The following PCNT variants were observed in gnomAD, a reference collection of about 807,000 sequenced individuals.
The protein encoded by PCNT is kendrin.
Under a neutral mutation model 380.4 loss-of-function variants are expected in PCNT, and 319 were observed. That is an observed-to-expected ratio of 0.84 (90% CI 0.77 to 0.92). The LOEUF (loss-of-function observed/expected upper bound fraction) is 0.92, where lower values mean the gene tolerates loss of function less well. Among genes scored for constraint, PCNT ranks in the 40% least tolerant of loss-of-function variants. The pLI is 0.00. For missense variants in PCNT, 4,400 were observed against 4,255.3 expected, an observed-to-expected ratio of 1.03 and a Z score of -0.95; for synonymous variants, 1,845 against 1,735.2, an observed-to-expected ratio of 1.06 and a Z score of -1.57.
At chr21:46,334,903 G>A in intron 3 of PCNT, 135 bp downstream of exon 3, 1 of 1,414,474 alleles carries the variant, frequency 7.1e-7, no homozygotes, top group Non-Finnish European at 9.7e-7. Flanking sequence ...AGCATAGAGA[G>A]CTGGAGGCAG....
chr21:46,351,795 C>T (rs996217664), intron 9 of PCNT, among the ~76,000 whole-genome samples: 1 of 152,228 alleles, frequency 6.6e-6, no homozygotes, highest in Non-Finnish European at 1.5e-5. Flanking sequence ...AAGAGCAACA[C>T]TTGCAGGGGG....
chr21:46,326,674 T>C, intron 2 of PCNT, 85 bp downstream of exon 2: 1 of 1,417,208 alleles, frequency 7.1e-7, no homozygotes, highest in South Asian at 1.2e-5. Flanking sequence ...GTCTTTGGTC[T>C]GTTTTTGCCT....
At position 46,334,569 on chromosome 21, in the gene PCNT, C is replaced by T. The variant is rs916101849; in HGVS notation, c.440C>T (p.Thr147Ile). 2.5e-6 allele frequency: 4 copies of T among 1,573,692 alleles called. No individual in the cohort carries two copies. Among genetic ancestry groups the T allele is most frequent in the Non-Finnish European group, 1.7e-6 (2 of 1,146,474 alleles). ...DHPPEQRGMFTVSDHPPEQHG... is the reference protein window; with the variant it reads ...DHPPEQRGMFIVSDHPPEQHG... ...CCACCAGAACAGCGTGGGATGTTCA[C>T]AGTCAGTGACCACCCACCAGAACAG... The change falls in exon 3 of 47, where the codon ACA becomes ATA. Residue 147 changes from threonine to isoleucine, a missense_variant. Coordinates refer to ENST00000359568, the MANE Select transcript of PCNT (RefSeq NM_006031.6).
At chr21:46,418,378 C>A (rs1178539244) in intron 31 of PCNT, 72 bp downstream of exon 31, 1 of 941,636 alleles carries the variant, frequency 1.1e-6, no homozygotes, top group Non-Finnish European at 1.7e-6. Flanking sequence ...CAAAAGAATT[C>A]CTGCATCCTT....
rs781519156 is a variant in PCNT, at chr21:46,438,356, C to A, written c.9273+19C>A. The A allele has an allele frequency of 1.2e-6, 2 of 1,611,686 alleles. No homozygotes were observed. The highest frequency in any genetic ancestry group is 1.7e-6 in the Non-Finnish European group (2 of 1,178,282). On this transcript the variant is annotated intron_variant, in intron 41 of 46. Transcript: ENST00000359568. ...CCCAAGCGTAGGTGTCTGTGCTTAA[C>A]TCTTACCTGCCTCAGCCTAACCCAC...
In PCNT at chr21:46,337,402, T is replaced by TC. The variant is rs1478211875; in HGVS notation, c.639+2636dup. Among the ~76,000 whole-genome samples, 36 of 152,216 alleles carry TC rather than the reference T, an allele frequency of 2.4e-4. 1 individual carries two copies. The highest frequency in any genetic ancestry group is 2.4e-3 in the Admixed American group (36 of 15,276). ...AGTGTTTGTTTACAGCTCCTTTGTC[T>TC]CCATTTTCAGTTTCCAGTCACAACT... On this transcript the variant is annotated intron_variant, in intron 3 of 46. Coordinates refer to ENST00000359568, the MANE Select transcript of PCNT (RefSeq NM_006031.6).
At chr21:46,374,450 A>G (rs1383362805) in intron 15 of PCNT, among the ~76,000 whole-genome samples, 1 of 152,094 alleles carries the variant, frequency 6.6e-6, no homozygotes, top group African/African-American at 2.4e-5. Context: ...CGTTCCTGCA[A>G]GCGTGTTGGT....
chr21:46,381,194 CTCTGTGTGTGTGTGTGTGTGTGTGTG>C (rs2085523331), intron 15 of PCNT, among the ~76,000 whole-genome samples: 1 of 72,918 alleles, frequency 1.4e-5, no homozygotes, highest in Non-Finnish European at 2.5e-5. Context: ...AAAAAAAAAT[CTCTGTGTGTGTGTGTGTGTGTGTGTG>C]TGTGTGTGTG....
chr21:46,386,336 G>T lies in PCNT; in HGVS notation c.3464+353G>T, dbSNP rs188989733. 2.6e-5 allele frequency among the ~76,000 whole-genome samples: 4 copies of T among 152,344 alleles called. No homozygotes were observed. In the East Asian group the frequency reaches 7.7e-4, roughly 29 times the overall value. ...CGCAGCGTGTCCTCGTCCCCGGCAC[G>T]GGGTGCAGGCCCACATGTCTCGTGG... On this transcript the variant is annotated intron_variant, in intron 17 of 46. Coordinates refer to ENST00000359568, the MANE Select transcript of PCNT (RefSeq NM_006031.6).
intron 10 of PCNT, among the ~76,000 whole-genome samples, chr21:46,353,590 ATG>A (rs144229716): frequency 2.0e-5 from 3 of 150,752 alleles, no homozygotes; most frequent in Admixed American, 6.6e-5. Context: ...GTAGGCCAGC[ATG>A]TGTGTGTGTG....
chr21:46,396,526 A>G (rs958718046), intron 21 of PCNT, among the ~76,000 whole-genome samples: 1 of 152,338 alleles, frequency 6.6e-6, no homozygotes, highest in Admixed American at 6.5e-5. Context: ...CCCTTCCAAT[A>G]CCATCACTCT....
intron 9 of PCNT, 120 bp from the exon 10 acceptor site, chr21:46,352,984 T>G: frequency 3.8e-6 from 3 of 788,706 alleles, no homozygotes; most frequent in Non-Finnish European, 6.6e-6. Context: ...CCTCTCCGGT[T>G]CTGGGATGGG....
chr21:46,338,784 A>G (rs1441541963), intron 3 of PCNT, among the ~76,000 whole-genome samples: 2 of 147,080 alleles, frequency 1.4e-5, no homozygotes, highest in African/African-American at 5.1e-5. Flanking sequence ...TTTTGTATTT[A>G]TTTATTTATT....
At position 46,414,455 on chromosome 21, in the gene PCNT, CCCT is replaced by C. The variant is rs3831820; in HGVS notation, c.6150+1473_6150+1475del. Among the ~76,000 whole-genome samples the C allele has an allele frequency of 4.1e-5, 5 of 122,862 alleles. 1 individual carries two copies. The South Asian group carries it at 1.1e-3, about 27-fold the overall frequency. 80.6% of individuals were successfully genotyped at this position (122,862 alleles called of 152,430 possible). A position where few individuals can be genotyped will look rare whatever the true frequency, so the allele number is the denominator to read the frequency against. On this transcript the variant is annotated intron_variant, in intron 29 of 46. Transcript: ENST00000359568. ...TCCTCCTCCTGGACACAGTCGCCCA[CCCT>C]CCTCCTCCTGGACACACAGCCGCCC... is the stretch of plus-strand genomic sequence containing the variant.
intron 13 of PCNT, among the ~76,000 whole-genome samples, chr21:46,360,445 G>T (rs1244738457): frequency 7.0e-6 from 1 of 142,602 alleles, no homozygotes; most frequent in Non-Finnish European, 1.5e-5. Context: ...GGATGTTCTC[G>T]ATCTCCTGAC....
intron 36 of PCNT, 124 bp downstream of exon 36, chr21:46,430,356 C>T: frequency 7.3e-7 from 1 of 1,369,490 alleles, no homozygotes; most frequent in South Asian, 1.3e-5. Flanking sequence ...GGGCACCGCG[C>T]CCTGCTGTCC....
rs764838193 is a variant in PCNT, at chr21:46,366,815, C to T, written c.2841C>T (p.Ala947=). The change falls in exon 15 of 47, where the codon GCC becomes GCT. Residue 947 remains alanine (A), a synonymous_variant. Coordinates refer to ENST00000359568, the MANE Select transcript of PCNT (RefSeq NM_006031.6). ...GGGCTCTGCTGGCTGCACGTGTGGC[C>T]GAACTGCAGACAAAACACGCTGCCG... ...KQGALLAARV[A]ELQTKHAADL... 13 of 1,613,742 alleles carry T rather than the reference C, an allele frequency of 8.1e-6. No individual in the cohort carries two copies. The highest frequency in any genetic ancestry group is 6.7e-5 in the East Asian group (3 of 44,892).
intron 3 of PCNT, among the ~76,000 whole-genome samples, chr21:46,339,543 C>G (rs571814137): frequency 1.3e-5 from 2 of 152,290 alleles, no homozygotes; most frequent in South Asian, 4.1e-4. Flanking sequence ...AACTTGGAGT[C>G]TGATGTTTGA....
Position 46,355,941 on chromosome 21 carries a change from G to A in PCNT, c.1936+315G>A, listed in dbSNP as rs16979101. On this transcript the variant is annotated intron_variant, in intron 12 of 46. Transcript: ENST00000359568. ...GACCATTCACCTCTGGAGGGAGAAT[G>A]TGTGTCCACTGGGCCCAGGGGAGGC... is the stretch of plus-strand genomic sequence containing the variant. 1.8e-4 allele frequency among the ~76,000 whole-genome samples: 27 copies of A among 152,310 alleles called. No individual in the cohort carries two copies. In the South Asian group the frequency reaches 5.6e-3, roughly 32 times the overall value.
Sources: gnomAD v4.1 joint callset for allele counts (sites outside exome capture counted in the v4.1 genomes callset) on GRCh38, gnomAD v4.1.1 for gene constraint, MANE v1.5 for transcripts, NCBI Gene and HGNC (gene_info 2026-07-23, HGNC 2026-07-21) for gene names.